The following RBMS3 variants were observed in gnomAD, a reference collection of about 807,000 sequenced individuals.
RBMS3 encodes the protein RNA binding motif single stranded interacting protein 3.
In RBMS3, 27 loss-of-function variants were observed where a neutral mutation model predicts 66.8. The ratio of observed to expected loss-of-function variants is 0.40; its 90% CI spans 0.30 to 0.56. The LOEUF (loss-of-function observed/expected upper bound fraction) is 0.56. Ranked by LOEUF, RBMS3 falls within the 20% of genes least tolerant of loss-of-function variation. The probability of loss-of-function intolerance (pLI) is 0.40; values close to 1 mark genes in which losing one functional copy is unlikely to be tolerated. For missense variants in RBMS3, 513 were observed against 549.5 expected (o/e 0.93, Z 0.66); for synonymous variants, 188 against 183.0 (o/e 1.03, Z -0.22).
intron 5 of RBMS3, among the ~76,000 whole-genome samples, chr3:29,755,717 A>G (rs2055380218): frequency 6.6e-6 from 1 of 152,194 alleles, no homozygotes; most frequent in Non-Finnish European, 1.5e-5. Flanking sequence ...GAAGTGCCAA[A>G]GCAGGGAGAC....
chr3:29,812,285 G>C (rs1170682870), intron 6 of RBMS3, among the ~76,000 whole-genome samples: 1 of 152,140 alleles, frequency 6.6e-6, no homozygotes, highest in Non-Finnish European at 1.5e-5. Flanking sequence ...TTGGTTAAAA[G>C]ATATCTTGGG....
intron 4 of RBMS3, among the ~76,000 whole-genome samples, chr3:29,674,220 C>T (rs1440205383): frequency 6.6e-6 from 1 of 152,164 alleles, no homozygotes; most frequent in Admixed American, 6.5e-5. Context: ...ATGCTAAAAA[C>T]TCTCAGTAAA....
intron 12 of RBMS3, among the ~76,000 whole-genome samples, chr3:29,980,551 T>C (rs1697916221): frequency 6.6e-6 from 1 of 152,164 alleles, no homozygotes; most frequent in South Asian, 2.1e-4. Context: ...TCTTCTAAGG[T>C]TTTTAAGGTT....
chr3:29,602,038 T>C lies in RBMS3; in HGVS notation c.399+14833T>C, dbSNP rs549221065. ...ATTTGGACACAGTCTGATCTCTAAA[T>C]AAATCCCTTAATGCTGTGTGGGAGT... On this transcript the variant is annotated intron_variant, in intron 4 of 14. Coordinates refer to ENST00000383767, the MANE Select transcript of RBMS3 (RefSeq NM_001003793.3). Among the ~76,000 whole-genome samples the C allele has an allele frequency of 5.8e-4, 88 of 152,198 alleles. 1 individual carries two copies. The South Asian group carries it at 0.017, about 29-fold the overall frequency.
intron 1 of RBMS3, among the ~76,000 whole-genome samples, chr3:29,390,584 AT>A (rs2039244846): frequency 6.6e-6 from 1 of 152,206 alleles, no homozygotes; most frequent in South Asian, 2.1e-4. Context: ...ATGCCTTTGA[AT>A]TTATGAAATA....
In RBMS3 at chr3:29,938,035, T is replaced by A. The variant is rs151137801; in HGVS notation, c.1050+1839T>A. ...AAACATAGAAACTCTTTAAAATTTTTACTCATTTGGTTCAAAAGTAAAGCC... is the reference window on the plus strand; with the variant it reads ...AAACATAGAAACTCTTTAAAATTTTAACTCATTTGGTTCAAAAGTAAAGCC... On this transcript the variant is annotated intron_variant, in intron 11 of 14. Coordinates refer to ENST00000383767, the MANE Select transcript of RBMS3 (RefSeq NM_001003793.3). Among the ~76,000 whole-genome samples, 951 of 152,030 alleles carry A rather than the reference T, an allele frequency of 6.3e-3. 7 individuals are homozygous for A. The highest frequency in any genetic ancestry group is 0.021 in the African/African-American group (891 of 41,524).
intron 3 of RBMS3, among the ~76,000 whole-genome samples, chr3:29,585,513 C>A (rs1193562223): frequency 6.6e-6 from 1 of 152,074 alleles, no homozygotes; most frequent in Non-Finnish European, 1.5e-5. Context: ...GATCACCTTA[C>A]CCTAACCTCA....
intron 12 of RBMS3, among the ~76,000 whole-genome samples, chr3:29,962,210 T>C (rs996142805): frequency 2.6e-5 from 4 of 151,134 alleles, no homozygotes; most frequent in African/African-American, 9.7e-5. Context: ...GAAAAATAAA[T>C]AAATCCCTAT....
intron 1 of RBMS3, among the ~76,000 whole-genome samples, chr3:29,393,522 G>A (rs1304698489): frequency 6.6e-6 from 1 of 152,098 alleles, no homozygotes; most frequent in Admixed American, 6.6e-5. Context: ...CTACCCAGAT[G>A]CCACTTAATA....
At chr3:29,898,797 G>A (rs1323151593) in intron 9 of RBMS3, among the ~76,000 whole-genome samples, 3 of 149,344 alleles carry the variant, frequency 2.0e-5, no homozygotes, top group Non-Finnish European at 4.5e-5. Context: ...CTTGGCCTCT[G>A]TTCCAGCCAA....
At chr3:29,339,238 A>ATC in intron 1 of RBMS3, among the ~76,000 whole-genome samples, 1 of 152,326 alleles carries the variant, frequency 6.6e-6, no homozygotes, top group African/African-American at 2.4e-5. Flanking sequence ...CACCGACACT[A>ATC]AATTCACTTC....
intron 6 of RBMS3, among the ~76,000 whole-genome samples, chr3:29,814,602 A>G (rs917349484): frequency 2.0e-5 from 3 of 152,090 alleles, no homozygotes; most frequent in Non-Finnish European, 4.4e-5. Flanking sequence ...CTGTGAATCC[A>G]TCTGGTCCTG....
At chr3:29,607,166 G>T (rs1296060618) in intron 4 of RBMS3, among the ~76,000 whole-genome samples, 1 of 151,860 alleles carries the variant, frequency 6.6e-6, no homozygotes, top group Admixed American at 6.6e-5. Context: ...ACACATTTTA[G>T]ATATTTATGA....
At chr3:29,745,897 G>C (rs1275713356) in intron 5 of RBMS3, among the ~76,000 whole-genome samples, 4 of 116,596 alleles carry the variant, frequency 3.4e-5, no homozygotes, top group Non-Finnish European at 5.8e-5. Flanking sequence ...TTTTCATTAA[G>C]TAAAAAAAAA....
At chr3:29,886,137 T>A (rs187653879) in intron 8 of RBMS3, among the ~76,000 whole-genome samples, 2 of 151,964 alleles carry the variant, frequency 1.3e-5, no homozygotes, top group African/African-American at 4.8e-5. Flanking sequence ...AAAAATGTCA[T>A]CACAAAAAAT....
chr3:29,376,836 C>T (rs748735522), intron 1 of RBMS3, among the ~76,000 whole-genome samples: 27 of 152,052 alleles, frequency 1.8e-4, no homozygotes, highest in African/African-American at 5.5e-4. Context: ...ACCCGGGAGG[C>T]GGAGGTTGCA....
At chr3:29,318,391 T>C (rs900911662) in intron 1 of RBMS3, among the ~76,000 whole-genome samples, 2 of 151,832 alleles carry the variant, frequency 1.3e-5, no homozygotes, top group African/African-American at 4.8e-5. Context: ...CTGGGTTCTG[T>C]GAGCAATAGC....
At chr3:29,703,582 C>T (rs1323010724) in intron 4 of RBMS3, among the ~76,000 whole-genome samples, 2 of 152,126 alleles carry the variant, frequency 1.3e-5, no homozygotes, top group African/African-American at 2.4e-5. Flanking sequence ...TAAAGTTCTA[C>T]CCTGGTAGTG....
intron 3 of RBMS3, among the ~76,000 whole-genome samples, chr3:29,531,043 T>A (rs1441614206): frequency 6.6e-6 from 1 of 152,208 alleles, no homozygotes; most frequent in Non-Finnish European, 1.5e-5. Context: ...AGAGCTCAGA[T>A]TTGTTAAATG....
Sources: allele counts gnomAD v4.1 joint callset (sites outside exome capture counted in the v4.1 genomes callset), GRCh38; gene constraint gnomAD v4.1.1; transcripts MANE v1.5; gene names NCBI Gene and HGNC (gene_info 2026-07-23, HGNC 2026-07-21).